Variants in IGF1 observed in about 807,000 individuals in gnomAD.
IGF1 encodes the protein insulin like growth factor 1.
IGF1 carries 4 observed loss-of-function variants against 13.8 expected under a neutral mutation model. The ratio of observed to expected loss-of-function variants is 0.29; its 90% CI spans 0.14 to 0.66. The LOEUF is 0.66. Ranked by LOEUF, IGF1 falls within the 30% of genes least tolerant of loss-of-function variation. The pLI is 0.78. For missense variants in IGF1, 124 were observed against 188.5 expected, an observed-to-expected ratio of 0.66 and a Z score of 2.00; for synonymous variants, 76 against 72.6, an observed-to-expected ratio of 1.05 and a Z score of -0.23.
intron 3 of IGF1, among the ~76,000 whole-genome samples, chr12:102,406,257 T>C (rs140800451): frequency 3.4e-4 from 52 of 152,340 alleles, no homozygotes; most frequent in Non-Finnish European, 6.3e-4. Flanking sequence ...GCTTTGCTCA[T>C]TGTCTTAACT....
intron 2 of IGF1, among the ~76,000 whole-genome samples, chr12:102,441,950 T>TTCTTCTTCTTCTTCTTCTTCTTCTTCC (rs1877861259): frequency 7.0e-6 from 1 of 143,526 alleles, no homozygotes; most frequent in South Asian, 2.2e-4. Flanking sequence ...CTTCTTCTTC[T>TTCTTCTTCTTCTTCTTCTTCTTCTTCC]TCTTCTTTTT....
chr12:102,427,457 G>C (rs1410143008), intron 2 of IGF1, among the ~76,000 whole-genome samples: 1 of 152,160 alleles, frequency 6.6e-6, no homozygotes, highest in African/African-American at 2.4e-5. Flanking sequence ...TTTATTTTTA[G>C]TTTCTCTCTA....
intron 2 of IGF1, among the ~76,000 whole-genome samples, chr12:102,450,895 C>T (rs544258186): frequency 6.6e-6 from 1 of 152,298 alleles, no homozygotes; most frequent in South Asian, 2.1e-4. Context: ...TCTAGGAATG[C>T]AGAGTCACAG....
intron 3 of IGF1, among the ~76,000 whole-genome samples, chr12:102,410,789 C>G (rs1874571712): frequency 6.6e-6 from 1 of 152,186 alleles, no homozygotes; most frequent in Admixed American, 6.5e-5. Flanking sequence ...ATGCTGTGTT[C>G]TGAATTTTCC....
chr12:102,434,599 G>A (rs912236066), intron 2 of IGF1, among the ~76,000 whole-genome samples: 9 of 150,774 alleles, frequency 6.0e-5, no homozygotes, highest in Non-Finnish European at 1.2e-4. Flanking sequence ...GAATAATGCC[G>A]CAATAAACAT....
intron 3 of IGF1, among the ~76,000 whole-genome samples, chr12:102,414,099 T>C: frequency 6.6e-6 from 1 of 152,210 alleles, no homozygotes. Context: ...TAACTAAAAC[T>C]TGAATAATGC....
rs575392336 is a variant in IGF1 at position 102,436,168 on chromosome 12, A to G, written c.221-16478T>C. On this transcript the variant is annotated intron_variant, in intron 2 of 3. Transcript: ENST00000337514. Reference sequence around the variant, plus strand: ...TCAAAGTAACAAACTGAACTGAAACAAAAAACACATGTTGACCTTTTTCCC... The same window carrying G: ...TCAAAGTAACAAACTGAACTGAAACGAAAAACACATGTTGACCTTTTTCCC... Among the ~76,000 whole-genome samples the G allele has an allele frequency of 4.6e-5, 7 of 152,346 alleles. No individual in the cohort carries two copies. The East Asian group carries it at 1.3e-3, about 29-fold the overall frequency.
chr12:102,423,259 G>GAAA (rs138450873), intron 2 of IGF1: 8 of 43,156 alleles, frequency 1.9e-4, no homozygotes, highest in Non-Finnish European at 1.9e-4. Flanking sequence ...TCGATGCTAC[G>GAAA]AAAAAAAAAA....
At chr12:102,439,369 G>A (rs1877511871) in intron 2 of IGF1, among the ~76,000 whole-genome samples, 1 of 152,094 alleles carries the variant, frequency 6.6e-6, no homozygotes, top group South Asian at 2.1e-4. Context: ...ACTAAGTCAG[G>A]TAAAGAAACA....
In IGF1 at chr12:102,419,163, G is replaced by A. The variant is rs529025254; in HGVS notation, c.402+346C>T. 5.3e-5 allele frequency among the ~76,000 whole-genome samples: 8 copies of A among 152,306 alleles called. No individual in the cohort carries two copies. The East Asian group carries it at 1.4e-3, about 26-fold the overall frequency. On this transcript the variant is annotated intron_variant, in intron 3 of 3. Coordinates refer to ENST00000337514, the MANE Select transcript of IGF1 (RefSeq NM_000618.5). The stretch of plus-strand genomic sequence containing the variant: ...TGGTAGATATTATTATTATCCCAAT[G>A]TTACTGATGAAACTGAGGCTTGGGT...
intron 1 of IGF1, among the ~76,000 whole-genome samples, chr12:102,479,531 T>G (rs1250683893): frequency 6.6e-6 from 1 of 152,170 alleles, no homozygotes; most frequent in Non-Finnish European, 1.5e-5. Context: ...TAAAGGGACT[T>G]CACGACACTG....
intron 2 of IGF1, among the ~76,000 whole-genome samples, chr12:102,466,278 C>T (rs1737972468): frequency 6.6e-6 from 1 of 152,200 alleles, no homozygotes; most frequent in Admixed American, 6.5e-5. Context: ...TGATGTGTTA[C>T]TTTCACTCAT....
Position 102,400,384 on chromosome 12 carries a change from T to G in IGF1, c.*2123A>C, listed in dbSNP as rs1873585819. On this transcript the variant is annotated 3_prime_UTR_variant, in exon 4 of 4. Coordinates refer to ENST00000337514, the MANE Select transcript of IGF1 (RefSeq NM_000618.5). ...GATCATTTTCTAGGCTATGATGGAC[T>G]AGTACACTAACCAGTGGACTTTCTT... 1 of 152,158 alleles carries G rather than the reference T, an allele frequency of 6.6e-6. No individual in the cohort carries two copies. Among genetic ancestry groups the G allele is most frequent in the South Asian group, 2.1e-4 (1 of 4,828 alleles). The allele number at this position is 152,158 out of a possible 1,614,324, so 9.4% of individuals were successfully genotyped here. A position where few individuals can be genotyped will look rare whatever the true frequency, so the allele number is the denominator to read the frequency against.
intron 2 of IGF1, among the ~76,000 whole-genome samples, chr12:102,440,268 C>G (rs889242469): frequency 5.9e-5 from 9 of 152,186 alleles, no homozygotes; most frequent in Non-Finnish European, 1.2e-4. Context: ...CTCCAGCCCC[C>G]ACAGAGAGAG....
chr12:102,453,882 C>A (rs1424069073), intron 2 of IGF1, among the ~76,000 whole-genome samples: 7 of 152,204 alleles, frequency 4.6e-5, no homozygotes, highest in African/African-American at 1.7e-4. Flanking sequence ...AGTGTCCTCA[C>A]TTGTAAAGTG....
intron 1 of IGF1, among the ~76,000 whole-genome samples, chr12:102,479,942 T>C (rs1881302561): frequency 6.7e-6 from 1 of 148,864 alleles, no homozygotes; most frequent in Admixed American, 6.8e-5. Flanking sequence ...CAAAAGAACA[T>C]GGTCTTAAAA....
chr12:102,469,957 C>T (rs1880582562), intron 2 of IGF1, among the ~76,000 whole-genome samples: 1 of 151,958 alleles, frequency 6.6e-6, no homozygotes, highest in South Asian at 2.1e-4. Context: ...TCTTACTACT[C>T]ATAATAGGTT....
intron 2 of IGF1, among the ~76,000 whole-genome samples, chr12:102,463,947 T>C (rs557486635): frequency 1.3e-5 from 2 of 152,370 alleles, no homozygotes; most frequent in South Asian, 2.1e-4. Context: ...CTGGATCAGA[T>C]TGCTCTATAT....
At chr12:102,474,237 A>G (rs1331738976) in intron 2 of IGF1, among the ~76,000 whole-genome samples, 2 of 152,202 alleles carry the variant, frequency 1.3e-5, no homozygotes, top group Admixed American at 6.5e-5. Context: ...CACTCACCCA[A>G]TGCACTCATT....
Sources: allele counts gnomAD v4.1 joint callset (sites outside exome capture counted in the v4.1 genomes callset), GRCh38; gene constraint gnomAD v4.1.1; transcripts MANE v1.5; gene names NCBI Gene and HGNC (gene_info 2026-07-23, HGNC 2026-07-21).